Variants in SPPL2A observed in about 807,000 individuals in gnomAD.
SPPL2A encodes the protein signal peptide peptidase-like 2A.
Under a neutral mutation model 63.8 loss-of-function variants are expected in SPPL2A, and 51 were observed. That is an observed-to-expected ratio of 0.80 (90% CI 0.64 to 1.01). SPPL2A has a LOEUF of 1.01. Among genes scored for constraint, SPPL2A ranks in the 50% least tolerant of loss-of-function variants. The pLI, the probability that SPPL2A is intolerant of heterozygous loss-of-function variation, is 0.00. For missense variants in SPPL2A, 553 were observed against 622.7 expected (o/e 0.89, Z 1.19); for synonymous variants, 188 against 205.8 (o/e 0.91, Z 0.74).
At chr15:50,723,467 A>G (rs1051268463) in intron 12 of SPPL2A, among the ~76,000 whole-genome samples, 2 of 151,670 alleles carry the variant, frequency 1.3e-5, no homozygotes, top group African/African-American at 2.4e-5. Flanking sequence ...CTGGAATACT[A>G]TTCAGTTGGG....
At chr15:50,710,996 T>C (rs2062551637) in intron 14 of SPPL2A, among the ~76,000 whole-genome samples, 1 of 152,148 alleles carries the variant, frequency 6.6e-6, no homozygotes, top group Non-Finnish European at 1.5e-5. Context: ...CCAAAGTAAT[T>C]ATGACTCTGC....
intron 8 of SPPL2A, among the ~76,000 whole-genome samples, chr15:50,733,221 C>T (rs2062744553): frequency 6.6e-6 from 1 of 152,056 alleles, no homozygotes; most frequent in South Asian, 2.1e-4. Flanking sequence ...CAACTTACTC[C>T]ATCAGAAATT....
chr15:50,739,743 C>T lies in SPPL2A; in HGVS notation c.670G>A (p.Val224Ile), dbSNP rs2062803292. Residue 224 changes from valine to isoleucine, a missense_variant, in exon 6 of 15, where the codon GTA becomes ATA. Coordinates refer to ENST00000261854, the MANE Select transcript of SPPL2A (RefSeq NM_032802.4). ...ACACAGCAGATGACCACAAATATTACAACTGTAAGAGGACTAAAAGTTAAA... is the reference window on the plus strand; with the variant it reads ...ACACAGCAGATGACCACAAATATTATAACTGTAAGAGGACTAAAAGTTAAA... The part of the protein sequence containing the change: ...EYLTFSPLTV[V>I]IFVVICCVMM... 1 of 1,601,172 alleles carries T rather than the reference C, an allele frequency of 6.2e-7. No individual in the cohort carries two copies. Among genetic ancestry groups the T allele is most frequent in the Admixed American group, 1.7e-5 (1 of 57,580 alleles).
chr15:50,757,089 C>CTT (rs57100103), intron 1 of SPPL2A, among the ~76,000 whole-genome samples: 3 of 128,372 alleles, frequency 2.3e-5, no homozygotes, highest in Non-Finnish European at 3.2e-5. Context: ...TAAATCCTTT[C>CTT]TTTTTTTTTT....
chr15:50,742,382 C>CCTCGA (rs2062828966), intron 5 of SPPL2A, among the ~76,000 whole-genome samples: 1 of 149,862 alleles, frequency 6.7e-6, no homozygotes, highest in Non-Finnish European at 1.5e-5. Flanking sequence ...AAGAGCAAAA[C>CCTCGA]CTCGACTCCA....
At chr15:50,749,872 T>C in intron 1 of SPPL2A, 126 bp from the exon 2 acceptor site, 1 of 643,120 alleles carries the variant, frequency 1.6e-6, no homozygotes, top group Non-Finnish European at 2.8e-6. Context: ...TTCCATGAAT[T>C]TGTTTCTTCT....
chr15:50,757,089 C>CTTTTTTTT (rs57100103), intron 1 of SPPL2A, among the ~76,000 whole-genome samples: 2 of 128,374 alleles, frequency 1.6e-5, no homozygotes, highest in African/African-American at 6.1e-5. Flanking sequence ...TAAATCCTTT[C>CTTTTTTTT]TTTTTTTTTT....
intron 7 of SPPL2A, 80 bp downstream of exon 7, chr15:50,736,564 T>C (rs1196825215): frequency 1.2e-6 from 1 of 801,228 alleles, no homozygotes; most frequent in African/African-American, 1.7e-5. Context: ...ACTATATAGG[T>C]TTCAAATAAT....
chr15:50,717,470 G>C (rs1036665521), intron 14 of SPPL2A, among the ~76,000 whole-genome samples: 2 of 152,102 alleles, frequency 1.3e-5, no homozygotes, highest in African/African-American at 4.8e-5. Flanking sequence ...ACCATGTCTG[G>C]CCTTCTATCA....
intron 1 of SPPL2A, among the ~76,000 whole-genome samples, chr15:50,756,074 G>T (rs994680822): frequency 6.6e-6 from 1 of 151,848 alleles, no homozygotes; most frequent in African/African-American, 2.4e-5. Flanking sequence ...GAAAGTCAGG[G>T]TCTGGACTGG....
At position 50,736,085 on chromosome 15, in the gene SPPL2A, C is replaced by T. The variant is rs749015237; in HGVS notation, c.932+16G>A. 2.1e-6 allele frequency: 3 copies of T among 1,436,196 alleles called. No individual in the cohort carries two copies. Among genetic ancestry groups the T allele is most frequent in the South Asian group, 1.1e-5 (1 of 87,300 alleles). The allele number at this position is 1,436,196 out of a possible 1,614,324, so 89.0% of individuals were successfully genotyped here. On this transcript the variant is annotated intron_variant, in intron 8 of 14. Transcript: ENST00000261854. ...TTCATCCTTAATCTAAAAGCAAATA[C>T]ATTGAGTATTCATACCTGTCTTCAT... is the stretch of plus-strand genomic sequence containing the variant.
chr15:50,755,874 C>T (rs2062953687), intron 1 of SPPL2A, among the ~76,000 whole-genome samples: 1 of 151,930 alleles, frequency 6.6e-6, no homozygotes, highest in Non-Finnish European at 1.5e-5. Context: ...CCCACCTCAG[C>T]CTCTCAAAGT....
intron 1 of SPPL2A, among the ~76,000 whole-genome samples, chr15:50,760,723 G>A (rs887696128): frequency 1.3e-5 from 2 of 152,056 alleles, no homozygotes; most frequent in African/African-American, 4.8e-5. Flanking sequence ...GGGTGTGGGG[G>A]ACACAATTCA....
intron 14 of SPPL2A, among the ~76,000 whole-genome samples, chr15:50,710,825 C>T (rs1469186153): frequency 1.3e-5 from 2 of 152,294 alleles, no homozygotes; most frequent in East Asian, 1.9e-4. Flanking sequence ...ATTTAACAGA[C>T]ACAACTCACT....
chr15:50,735,922 T>C (rs2062767798), intron 8 of SPPL2A, among the ~76,000 whole-genome samples, 179 bp downstream of exon 8: 1 of 152,198 alleles, frequency 6.6e-6, no homozygotes, highest in Non-Finnish European at 1.5e-5. Context: ...TCATATTTCC[T>C]TCTCTATATG....
intron 1 of SPPL2A, among the ~76,000 whole-genome samples, chr15:50,751,340 G>C (rs1007001368): frequency 1.3e-5 from 2 of 152,114 alleles, no homozygotes; most frequent in African/African-American, 4.8e-5. Flanking sequence ...TTACAAACAA[G>C]GGCTCTGAGA....
chr15:50,708,019 ACATC>A, intron 14 of SPPL2A, 145 bp from the exon 15 acceptor site: 1 of 623,990 alleles, frequency 1.6e-6, no homozygotes, highest in Non-Finnish European at 2.9e-6. Flanking sequence ...TTCTGGTTCA[ACATC>A]CACACTTCTA....
chr15:50,737,594 G>C (rs151152903), intron 6 of SPPL2A, among the ~76,000 whole-genome samples: 1 of 151,806 alleles, frequency 6.6e-6, no homozygotes, highest in Admixed American at 6.6e-5. Flanking sequence ...CTGGAACTAC[G>C]GGCACGCACC....
At chr15:50,765,413 T>TGGCCCC (rs988946654) in intron 1 of SPPL2A, 55 bp downstream of exon 1, 28 of 1,402,086 alleles carry the variant, frequency 2.0e-5, no homozygotes, top group African/African-American at 7.5e-5. Context: ...GCCCCGGCCT[T>TGGCCCC]GGCCCCGGCC....
Sources: allele counts gnomAD v4.1 joint callset (sites outside exome capture counted in the v4.1 genomes callset), GRCh38; gene constraint gnomAD v4.1.1; transcripts MANE v1.5; gene names NCBI Gene and HGNC (gene_info 2026-07-23, HGNC 2026-07-21).